The following LRP2 variants were observed in gnomAD, a reference collection of about 807,000 sequenced individuals.
LRP2 encodes the protein LDL receptor related protein 2, also known as low-density lipoprotein receptor-related protein 2.
In LRP2, 172 loss-of-function variants were observed where a neutral mutation model predicts 531.0. The ratio of observed to expected loss-of-function variants is 0.32; its 90% confidence interval spans 0.29 to 0.37. The LOEUF is 0.37. Among genes scored for constraint, LRP2 ranks in the 10% least tolerant of loss-of-function variants. The pLI is 1.00. For synonymous variants in LRP2, 1,992 were observed against 2,027.6 expected, an observed-to-expected ratio of 0.98 and a Z score of 0.47; for missense variants, 5,167 against 5,868.3, an observed-to-expected ratio of 0.88 and a Z score of 3.90.
chr2:169,171,918 C>T, intron 58 of LRP2, 97 bp downstream of exon 58: 3 of 1,435,870 alleles, frequency 2.1e-6, no homozygotes, highest in Non-Finnish European at 2.9e-6. Flanking sequence ...TCATCCTACC[C>T]ATTGAGGATC....
rs576741782 is a variant in LRP2 at position 169,143,385 on chromosome 2, G to A, written c.12989-592C>T. Among the ~76,000 whole-genome samples the A allele has an allele frequency of 9.8e-5, 15 of 152,298 alleles. No homozygotes were observed. The East Asian group carries it at 2.9e-3, about 29-fold the overall frequency. On this transcript the variant is annotated intron_variant, in intron 70 of 78. Transcript: ENST00000649046. ...AGGCCAGGCGCGGTGGCTCACACCTGTAATCCCAGCACTTTGGGAGGCCGC... is the reference window on the plus strand; with the variant it reads ...AGGCCAGGCGCGGTGGCTCACACCTATAATCCCAGCACTTTGGGAGGCCGC...
intron 6 of LRP2, 60 bp from the exon 7 acceptor site, chr2:169,292,429 C>T: frequency 9.4e-7 from 1 of 1,067,032 alleles, no homozygotes; most frequent in Non-Finnish European, 1.5e-6. Context: ...ACTGAAAGTG[C>T]TCTCACCTCA....
intron 74 of LRP2, 151 bp downstream of exon 74, chr2:169,139,100 C>T: frequency 8.7e-7 from 1 of 1,145,538 alleles, no homozygotes; most frequent in Non-Finnish European, 1.3e-6. Context: ...TTTGAAGTGA[C>T]TGCTTTACAT....
rs370823033 is a variant in LRP2 at position 169,294,717 on chromosome 2, TAAAAAAAAAAA to T, written c.428-18_428-8del. On this transcript the variant is annotated splice_polypyrimidine_tract_variant and splice_region_variant and intron_variant, in intron 4 of 78. Transcript: ENST00000649046. ...TGCTCACATGTTGGGTACTCTATTGTAAAAAAAAAAAAAAAAAAAAAAAGGAAAAGGAAACA... is the reference window on the plus strand; with the variant it reads ...TGCTCACATGTTGGGTACTCTATTGTAAAAAAAAAAAAGGAAAAGGAAACA... The T allele has an allele frequency of 8.9e-5, 66 of 743,244 alleles. No homozygotes were observed. The highest frequency in any genetic ancestry group is 4.8e-4 in the Admixed American group (16 of 33,670). 46.0% of individuals were successfully genotyped at this position (743,244 alleles called of 1,614,324 possible). A position where few individuals can be genotyped will look rare whatever the true frequency, so the allele number is the denominator to read the frequency against.
intron 50 of LRP2, among the ~76,000 whole-genome samples, chr2:169,183,300 A>G (rs1209650446): frequency 6.6e-6 from 1 of 152,238 alleles, no homozygotes; most frequent in African/African-American, 2.4e-5. Context: ...ATGAGTATCC[A>G]TATATGTACA....
Position 169,212,111 on chromosome 2 carries a change from G to T in LRP2, c.6137C>A (p.Ala2046Asp), listed in dbSNP as rs1216623993. The T allele has an allele frequency of 1.9e-6, 3 of 1,614,018 alleles. No homozygotes were observed. The highest frequency in any genetic ancestry group is 2.5e-6 in the Non-Finnish European group (3 of 1,179,934). The change falls in exon 37 of 79, where the codon GCC (alanine) becomes GAC (aspartate). Residue 2046 changes from alanine (A) to aspartate (D), a missense_variant. Coordinates refer to ENST00000649046, the MANE Select transcript of LRP2 (RefSeq NM_004525.3). ...VPGGLFSCAC[A>D]TGFKLNPDNR... ...ATCAGGATTGAGTTTAAATCCAGTGGCACAGGCGCAGGAAAACAATCCTCC... is the reference window on the plus strand; with the variant it reads ...ATCAGGATTGAGTTTAAATCCAGTGTCACAGGCGCAGGAAAACAATCCTCC...
Position 169,162,540 on chromosome 2 carries a change from C to A in LRP2, c.11819G>T (p.Cys3940Phe). The change falls in exon 63 of 79, where the codon TGC becomes TTC. Residue 3940 changes from cysteine to phenylalanine, a missense_variant. Physicochemically the swap from Cys to Phe is radical, Grantham distance 205. This residue lies in a region of LRP2 where 564 missense variants were observed against 747.7 expected (regional missense o/e 0.75). Coordinates refer to ENST00000649046, the MANE Select transcript of LRP2 (RefSeq NM_004525.3). Reference sequence around the variant, plus strand: ...ATCACACACATTGTCATGTGGAATGCAATGCCCATTGCCACACTTATATTC... The same window carrying A: ...ATCACACACATTGTCATGTGGAATGAAATGCCCATTGCCACACTTATATTC... ...EYEYKCGNGH[C>F]IPHDNVCDDA... 1 of 1,614,116 alleles carries A rather than the reference C, an allele frequency of 6.2e-7. No homozygotes were observed.
At chr2:169,187,065 T>A (rs1399610510) in intron 49 of LRP2, among the ~76,000 whole-genome samples, 2 of 152,094 alleles carry the variant, frequency 1.3e-5, no homozygotes, top group East Asian at 3.8e-4. Flanking sequence ...ATTTTTAAAT[T>A]TTTTTCTTTT....
In LRP2 at chr2:169,270,945, A is replaced by G. The variant is rs1382193485; in HGVS notation, c.2279T>C (p.Met760Thr). 1 of 1,613,292 alleles carries G rather than the reference A, an allele frequency of 6.2e-7. No homozygotes were observed. Among genetic ancestry groups the G allele is most frequent in the Admixed American group, 1.7e-5 (1 of 59,846 alleles). ...TTGCTTAAAAATCATGTGTTTTGAC[A>G]TATCTGAAAAAAAGATAGTGCTGTC... The part of the protein sequence containing the change: ...AQDSTIFFSD[M>T]SKHMIFKQKI... The change falls in exon 16 of 79, where the codon ATG (methionine) becomes ACG (threonine). Residue 760 changes from methionine (M) to threonine (T), a missense_variant. Met to Thr is a moderately conservative substitution (Grantham distance 81). Around this residue, in one of 6 missense-constraint regions of LRP2, gnomAD observed 2,811 missense variants for 3,058.0 expected, o/e 0.92. Transcript: ENST00000649046.
chr2:169,335,095 T>C (rs1193138621), intron 1 of LRP2, among the ~76,000 whole-genome samples: 2 of 152,242 alleles, frequency 1.3e-5, no homozygotes, highest in Non-Finnish European at 2.9e-5. Flanking sequence ...AAAATCAAGA[T>C]TTATTCTGAG....
chr2:169,347,124 T>G (rs991545956), intron 1 of LRP2, among the ~76,000 whole-genome samples: 1 of 152,240 alleles, frequency 6.6e-6, no homozygotes, highest in Non-Finnish European at 1.5e-5. Flanking sequence ...TCTCCTTCTC[T>G]CTGAACCTTG....
intron 44 of LRP2, among the ~76,000 whole-genome samples, chr2:169,200,021 T>G (rs551300275): frequency 4.6e-5 from 7 of 151,998 alleles, no homozygotes; most frequent in Admixed American, 4.6e-4. Context: ...GAGGCCAAGG[T>G]GGGCGGATCA....
chr2:169,171,564 C>T (rs543566828), intron 58 of LRP2, among the ~76,000 whole-genome samples: 1 of 152,270 alleles, frequency 6.6e-6, no homozygotes, highest in African/African-American at 2.4e-5. Flanking sequence ...ATAATGCAAA[C>T]ACAAGTTCTC....
intron 76 of LRP2, among the ~76,000 whole-genome samples, chr2:169,133,364 C>T (rs1368328018): frequency 1.3e-5 from 2 of 152,138 alleles, no homozygotes; most frequent in Non-Finnish European, 2.9e-5. Context: ...TATTCTGAAA[C>T]TTGGATATGC....
chr2:169,160,685 A>AAAAAAAAC (rs1553487414), intron 63 of LRP2, among the ~76,000 whole-genome samples: 1 of 94,282 alleles, frequency 1.1e-5, no homozygotes, highest in South Asian at 3.5e-4. Context: ...ATTTCCTTAA[A>AAAAAAAAC]AAAAAAAAAA....
chr2:169,164,540 A>T (rs1175383840), intron 62 of LRP2, among the ~76,000 whole-genome samples: 3 of 152,204 alleles, frequency 2.0e-5, no homozygotes, highest in Admixed American at 1.3e-4. Flanking sequence ...GAGCAAGAGG[A>T]TGTCTGTCAT....
chr2:169,157,957 T>TAAATAAATA (rs568534822), intron 63 of LRP2, among the ~76,000 whole-genome samples: 2 of 145,974 alleles, frequency 1.4e-5, no homozygotes, highest in East Asian at 2.1e-4. Flanking sequence ...AATAAATAAA[T>TAAATAAATA]AAAAGACATG....
At chr2:169,140,671 G>A (rs547010547) in intron 71 of LRP2, 126 bp from the exon 72 acceptor site, 1 of 677,238 alleles carries the variant, frequency 1.5e-6, no homozygotes, top group East Asian at 2.6e-5. Context: ...CCCTGTCAAA[G>A]CTTACCTTCC....
chr2:169,294,808 C>A (rs952226011), intron 4 of LRP2, 98 bp from the exon 5 acceptor site: 2 of 748,720 alleles, frequency 2.7e-6, no homozygotes, highest in African/African-American at 3.6e-5. Flanking sequence ...TTACTATATG[C>A]AAGTCACTAA....
Sources: allele counts gnomAD v4.1 joint callset (sites outside exome capture counted in the v4.1 genomes callset), GRCh38; gene constraint gnomAD v4.1.1; regional missense constraint gnomAD v4.1.1; transcripts MANE v1.5; gene names NCBI Gene and HGNC (gene_info 2026-07-23, HGNC 2026-07-21).